UVSSA: variants seen among roughly 807,000 people sequenced by gnomAD.
The protein encoded by UVSSA is UV-stimulated scaffold protein A.
Under a neutral mutation model 73.9 loss-of-function variants are expected in UVSSA, and 72 were observed. That is an observed-to-expected ratio of 0.97 (90% CI 0.81 to 1.19). The LOEUF is 1.19. UVSSA is among the 50% of genes most tolerant of loss of function. The pLI, the probability that UVSSA is intolerant of heterozygous loss-of-function variation, is 0.00. For missense variants in UVSSA, 1,150 were observed against 965.0 expected (o/e 1.19, Z -2.54); for synonymous variants, 454 against 391.3 (o/e 1.16, Z -1.89).
chr4:1,349,039 T>TAC (rs1436942900), intron 2 of UVSSA, among the ~76,000 whole-genome samples: 1 of 50,902 alleles, frequency 2.0e-5, no homozygotes, highest in Non-Finnish European at 5.2e-5. Flanking sequence ...CCAGGCGGTG[T>TAC]GTGTTTGTGC....
chr4:1,346,538 C>A (rs907108271), upstream of UVSSA, among the ~76,000 whole-genome samples: 7 of 152,284 alleles, frequency 4.6e-5, no homozygotes, highest in East Asian at 1.2e-3. Flanking sequence ...CAGCCCGGGC[C>A]CAGGGGTACC....
In UVSSA at chr4:1,363,286, G is replaced by A. The variant is rs201622817; in HGVS notation, c.1177-3034G>A. ...CCGGGACCAGGGTGCCCTCATCAGC[G>A]CTGATTTAAGAACAAAGGGGAACCC... On this transcript the variant is annotated intron_variant, in intron 7 of 13. Coordinates refer to ENST00000389851, the MANE Select transcript of UVSSA (RefSeq NM_020894.4). Among the ~76,000 whole-genome samples, 322 of 152,262 alleles carry A rather than the reference G, an allele frequency of 2.1e-3. 1 individual carries two copies. The highest frequency in any genetic ancestry group is 7.4e-3 in the African/African-American group (308 of 41,546).
intron 7 of UVSSA, among the ~76,000 whole-genome samples, chr4:1,365,081 C>T (rs904404249): frequency 3.9e-5 from 6 of 152,200 alleles, no homozygotes; most frequent in East Asian, 1.9e-4. Flanking sequence ...CTTCTGAGCG[C>T]GTGGATGGAG....
intron 6 of UVSSA, 57 bp from the exon 7 acceptor site, chr4:1,355,060 C>T: frequency 6.3e-7 from 1 of 1,596,896 alleles, no homozygotes; most frequent in Non-Finnish European, 8.5e-7. Context: ...CCCAGCAGGA[C>T]AGCTTCCCAG....
chr4:1,389,383 T>G (rs1032121943), downstream of UVSSA: 1 of 152,212 alleles, frequency 6.6e-6, no homozygotes, highest in Middle Eastern at 3.1e-3. Flanking sequence ...TTGGTTTTGT[T>G]TTGTTTGAGA....
chr4:1,351,420 C>G (rs1280083769), intron 3 of UVSSA, among the ~76,000 whole-genome samples: 1 of 131,976 alleles, frequency 7.6e-6, no homozygotes, highest in Non-Finnish European at 1.6e-5. Flanking sequence ...GAGTCTCGCT[C>G]TGTCGCCCAG....
rs1439910320 is a variant in UVSSA at position 1,376,248 on chromosome 4, G to A, written c.1568+80G>A. 11 of 1,481,926 alleles carry A rather than the reference G, an allele frequency of 7.4e-6. No individual in the cohort carries two copies. The Admixed American group carries it at 1.6e-4, about 21-fold the overall frequency. The allele number at this position is 1,481,926 out of a possible 1,614,324, so 91.8% of individuals were successfully genotyped here. Reference sequence around the variant, plus strand: ...GAGGAGGGGGCTGCCGGCTCACCAGGCCTCCCTGGGTCTGAGGAAGCTGGC... The same window carrying A: ...GAGGAGGGGGCTGCCGGCTCACCAGACCTCCCTGGGTCTGAGGAAGCTGGC... On this transcript the variant is annotated intron_variant, in intron 10 of 13. Coordinates refer to ENST00000389851, the MANE Select transcript of UVSSA (RefSeq NM_020894.4).
chr4:1,375,244 C>T (rs1318340791), intron 8 of UVSSA, 120 bp from the exon 9 acceptor site: 13 of 1,501,438 alleles, frequency 8.7e-6, no homozygotes, highest in Admixed American at 3.6e-5. Context: ...GCACCCACCT[C>T]GGGACTGTTG....
At chr4:1,363,497 C>G (rs982758560) in intron 7 of UVSSA, among the ~76,000 whole-genome samples, 6 of 152,216 alleles carry the variant, frequency 3.9e-5, no homozygotes, top group African/African-American at 9.6e-5. Context: ...TATTTAAAAT[C>G]TGGCACTATA....
chr4:1,361,234 C>T (rs1716583231), intron 7 of UVSSA, among the ~76,000 whole-genome samples: 1 of 152,240 alleles, frequency 6.6e-6, no homozygotes, highest in Non-Finnish European at 1.5e-5. Flanking sequence ...TGGTCCTGGC[C>T]CCTGCAGCTG....
At chr4:1,344,624 C>T (rs1226570227), upstream of UVSSA, among the ~76,000 whole-genome samples, 1 of 152,182 alleles carries the variant, frequency 6.6e-6, no homozygotes, top group Admixed American at 6.5e-5. Flanking sequence ...ATCCAGCATT[C>T]AACAAATATT....
intron 2 of UVSSA, 55 bp from the exon 3 acceptor site, chr4:1,349,469 C>G: frequency 6.5e-7 from 1 of 1,549,910 alleles, no homozygotes; most frequent in South Asian, 1.2e-5. Flanking sequence ...GAGAGTCTCC[C>G]CCCGCCCATC....
chr4:1,385,704 C>T (rs1407433599), intron 13 of UVSSA, 164 bp from the exon 14 acceptor site: 20 of 682,844 alleles, frequency 2.9e-5, no homozygotes, highest in South Asian at 1.3e-4. Flanking sequence ...GCCAAGGGGC[C>T]CGTCGCCCAT....
At chr4:1,374,137 G>A (rs905340547) in intron 8 of UVSSA, among the ~76,000 whole-genome samples, 1 of 152,210 alleles carries the variant, frequency 6.6e-6, no homozygotes, top group African/African-American at 2.4e-5. Context: ...GCAGCTCTCC[G>A]AAGTCTGGCT....
chr4:1,345,826 T>C (rs1713621803), upstream of UVSSA, among the ~76,000 whole-genome samples: 1 of 151,824 alleles, frequency 6.6e-6, no homozygotes, highest in Non-Finnish European at 1.5e-5. Context: ...AGGGTTTTGT[T>C]AGTATGGGAG....
chr4:1,382,121 A>G (rs1361787838), intron 12 of UVSSA, among the ~76,000 whole-genome samples: 1 of 152,192 alleles, frequency 6.6e-6, no homozygotes, highest in Non-Finnish European at 1.5e-5. Flanking sequence ...TGAGAGGCAG[A>G]TGTTGAGTGC....
chr4:1,355,792 GGGCTGGA>G lies in UVSSA; in HGVS notation c.1176+557_1176+563del, dbSNP rs1198280197. 7.9e-5 allele frequency among the ~76,000 whole-genome samples: 12 copies of G among 152,310 alleles called. 2 individuals are homozygous for G. The highest frequency in any genetic ancestry group is 3.9e-4 in the East Asian group (2 of 5,180). On this transcript the variant is annotated intron_variant, in intron 7 of 13. Transcript: ENST00000389851. ...TTAGAAGGGGCAGGGCTGCCGCGAG[GGGCTGGA>G]GGCTGGAGGGAGGTTTGGGGTGCCT... is the stretch of plus-strand genomic sequence containing the variant.
Position 1,349,630 on chromosome 4 carries a change from T to G in UVSSA, c.205T>G (p.Phe69Val), listed in dbSNP as rs200608307. 3.2e-5 allele frequency: 52 copies of G among 1,614,002 alleles called. No individual in the cohort carries two copies. The highest frequency in any genetic ancestry group is 4.3e-5 in the Non-Finnish European group (51 of 1,180,018). The change falls in exon 3 of 14, where the codon TTC becomes GTC. Residue 69 changes from phenylalanine to valine, a missense_variant. Phe to Val is a conservative substitution (Grantham distance 50). Transcript: ENST00000389851. The stretch of plus-strand genomic sequence containing the variant: ...AGCCTTCCAGATTGTGGAGGAACTC[T>G]TCGTCAGGTCTCACCAGTTCCGGAT... ...LSAFQIVEEL[F>V]VRSHQFRMLV... is the part of the protein sequence containing the mutation.
chr4:1,379,964 C>T (rs1719269692), intron 10 of UVSSA, 83 bp from the exon 11 acceptor site: 1 of 1,479,392 alleles, frequency 6.8e-7, no homozygotes, highest in Non-Finnish European at 9.1e-7. Context: ...TGGTGTTTGG[C>T]CTTCCCCTGT....
Sources: allele counts gnomAD v4.1 joint callset (sites outside exome capture counted in the v4.1 genomes callset), GRCh38; gene constraint gnomAD v4.1.1; transcripts MANE v1.5; gene names NCBI Gene and HGNC (gene_info 2026-07-23, HGNC 2026-07-21).